CHL1: variants seen among roughly 807,000 people sequenced by gnomAD.
The protein encoded by CHL1 is neural cell adhesion molecule L1-like protein.
In CHL1, 96 loss-of-function variants were observed where a neutral mutation model predicts 141.9. That is an observed-to-expected ratio of 0.68 (90% CI 0.57 to 0.80). The LOEUF (loss-of-function observed/expected upper bound fraction) is 0.80, where lower values mean the gene tolerates loss of function less well. Among genes scored for constraint, CHL1 ranks in the 30% least tolerant of loss-of-function variants. The pLI, the probability that CHL1 is intolerant of heterozygous loss-of-function variation, is 0.00. For synonymous variants in CHL1, 613 were observed against 502.2 expected (o/e 1.22, Z -2.95); for missense variants, 1,820 against 1,457.2 (o/e 1.25, Z -4.05).
chr3:325,859 A>T, intron 3 of CHL1, 100 bp from the exon 4 acceptor site: 1 of 657,950 alleles, frequency 1.5e-6, no homozygotes, highest in Non-Finnish European at 2.6e-6. Flanking sequence ...TCATCCTTTC[A>T]CTTATCAGTA....
At chr3:331,873 T>C (rs1382357399) in intron 5 of CHL1, among the ~76,000 whole-genome samples, 1 of 152,198 alleles carries the variant, frequency 6.6e-6, no homozygotes, top group Non-Finnish European at 1.5e-5. Flanking sequence ...GTAACCCTAG[T>C]GATAAAAGCA....
intron 5 of CHL1, among the ~76,000 whole-genome samples, chr3:336,316 A>C (rs1701857865): frequency 6.6e-6 from 1 of 152,094 alleles, no homozygotes; most frequent in Non-Finnish European, 1.5e-5. Flanking sequence ...AGTGCCGGAG[A>C]ATCTGTAGTG....
chr3:390,660 T>G (rs1708144945), intron 20 of CHL1, 41 bp from the exon 21 acceptor site: 1 of 1,134,834 alleles, frequency 8.8e-7, no homozygotes, highest in Non-Finnish European at 1.3e-6. Context: ...CAATCACATT[T>G]GCAGGTTATT....
At chr3:287,061 T>A (rs1553549863) in intron 2 of CHL1, among the ~76,000 whole-genome samples, 1 of 152,130 alleles carries the variant, frequency 6.6e-6, no homozygotes, top group Non-Finnish European at 1.5e-5. Flanking sequence ...AGAATACCCA[T>A]CCTTCTGGGA....
At chr3:320,394 A>G (rs1308536572) in intron 3 of CHL1, among the ~76,000 whole-genome samples, 1 of 152,072 alleles carries the variant, frequency 6.6e-6, no homozygotes, top group Admixed American at 6.6e-5. Flanking sequence ...GTGTGAATTC[A>G]TATTAAGAGG....
rs562070666 is a variant in CHL1 at position 286,292 on chromosome 3, A to G, written c.-94-33391A>G. Among the ~76,000 whole-genome samples the G allele has an allele frequency of 1.1e-4, 17 of 152,190 alleles. No individual in the cohort carries two copies. The South Asian group carries it at 2.9e-3, about 26-fold the overall frequency. On this transcript the variant is annotated intron_variant, in intron 2 of 27. Transcript: ENST00000256509. Reference sequence around the variant, plus strand: ...ACAAGAAAGAATTTGGGGCAAGTCCATAGAGTAAAGTGAAAGCAAGTTTAT... The same window carrying G: ...ACAAGAAAGAATTTGGGGCAAGTCCGTAGAGTAAAGTGAAAGCAAGTTTAT...
At chr3:381,064 C>G (rs1706971555) in intron 16 of CHL1, among the ~76,000 whole-genome samples, 1 of 152,138 alleles carries the variant, frequency 6.6e-6, no homozygotes, top group Non-Finnish European at 1.5e-5. Flanking sequence ...AATGCAGATT[C>G]CTGGGCCCAC....
intron 2 of CHL1, among the ~76,000 whole-genome samples, chr3:294,254 G>C (rs916906654): frequency 6.6e-6 from 1 of 152,094 alleles, no homozygotes; most frequent in African/African-American, 2.4e-5. Context: ...GGGAGGTCGA[G>C]GATGCAGTGA....
chr3:383,732 T>G, intron 18 of CHL1, 84 bp from the exon 19 acceptor site: 1 of 812,012 alleles, frequency 1.2e-6, no homozygotes, highest in Non-Finnish European at 2.1e-6. Context: ...TAATTATCTG[T>G]GTTTTTGGGG....
rs1311563126 is a variant in CHL1 at position 409,303 on chromosome 3, T to C, written c.*3592T>C. The C allele has an allele frequency of 9.2e-5, 14 of 152,108 alleles. 1 individual carries two copies. The highest frequency in any genetic ancestry group is 8.5e-4 in the Admixed American group (13 of 15,254). 9.4% of individuals were successfully genotyped at this position (152,108 alleles called of 1,614,324 possible). A position where few individuals can be genotyped will look rare whatever the true frequency, so the allele number is the denominator to read the frequency against. Reference sequence around the variant, plus strand: ...ATAGTAGAACTTTATAAAACGTGTTTGTATTGTAGGTGGTGTTTGTATTAT... The same window carrying C: ...ATAGTAGAACTTTATAAAACGTGTTCGTATTGTAGGTGGTGTTTGTATTAT... On this transcript the variant is annotated 3_prime_UTR_variant, in exon 28 of 28. Coordinates refer to ENST00000256509, the MANE Select transcript of CHL1 (RefSeq NM_006614.4).
chr3:378,769 T>C (rs1333498776), intron 16 of CHL1, among the ~76,000 whole-genome samples: 1 of 152,170 alleles, frequency 6.6e-6, no homozygotes, highest in Non-Finnish European at 1.5e-5. Flanking sequence ...AGACAGGGTC[T>C]CCTCACACCA....
chr3:335,411 C>G (rs1383217725), intron 5 of CHL1, among the ~76,000 whole-genome samples: 2 of 152,102 alleles, frequency 1.3e-5, no homozygotes, highest in African/African-American at 4.8e-5. Context: ...CTCTGTAGTC[C>G]TAAGTGGATT....
intron 2 of CHL1, among the ~76,000 whole-genome samples, chr3:269,207 G>A (rs1349279868): frequency 6.6e-6 from 1 of 152,182 alleles, no homozygotes; most frequent in Non-Finnish European, 1.5e-5. Context: ...TCTTTGAAAT[G>A]TTCTAGCATT....
intron 2 of CHL1, among the ~76,000 whole-genome samples, chr3:284,805 G>A (rs1016085114): frequency 6.6e-6 from 1 of 151,618 alleles, no homozygotes; most frequent in Non-Finnish European, 1.5e-5. Flanking sequence ...TAGATCTAAG[G>A]ACATTAATCA....
At chr3:370,791 C>G (rs1328936693) in intron 15 of CHL1, among the ~76,000 whole-genome samples, 3 of 152,110 alleles carry the variant, frequency 2.0e-5, no homozygotes, top group African/African-American at 7.2e-5. Flanking sequence ...GTCCCACAGA[C>G]TCTGATACAT....
intron 1 of CHL1, among the ~76,000 whole-genome samples, chr3:222,741 T>C (rs559333822): frequency 6.7e-6 from 1 of 149,502 alleles, no homozygotes; most frequent in African/African-American, 2.5e-5. Flanking sequence ...GGAAAAACAA[T>C]TTTTTTTTTG....
At chr3:313,027 A>C (rs1699878797) in intron 2 of CHL1, among the ~76,000 whole-genome samples, 1 of 152,194 alleles carries the variant, frequency 6.6e-6, no homozygotes, top group African/African-American at 2.4e-5. Flanking sequence ...GAAACAACTT[A>C]ATGCTGTTTC....
At chr3:260,407 C>T (rs1694608516) in intron 2 of CHL1, among the ~76,000 whole-genome samples, 1 of 152,000 alleles carries the variant, frequency 6.6e-6, no homozygotes, top group African/African-American at 2.4e-5. Flanking sequence ...TATTACTGGC[C>T]AACTGGAGAT....
chr3:394,290 G>C (rs553951074), intron 23 of CHL1, among the ~76,000 whole-genome samples: 1 of 152,106 alleles, frequency 6.6e-6, no homozygotes, highest in South Asian at 2.1e-4. Flanking sequence ...CTTCCAAAAG[G>C]AAATTATAAT....
Sources: allele counts gnomAD v4.1 joint callset (sites outside exome capture counted in the v4.1 genomes callset), GRCh38; gene constraint gnomAD v4.1.1; transcripts MANE v1.5; gene names NCBI Gene and HGNC (gene_info 2026-07-23, HGNC 2026-07-21).